Variants in MOSPD2 observed in about 807,000 individuals in gnomAD.
The protein encoded by MOSPD2 is motile sperm domain-containing protein 2.
MOSPD2 carries 5 observed loss-of-function variants against 41.7 expected under a neutral mutation model. That is an observed-to-expected ratio of 0.12 (90% CI 0.06 to 0.25). MOSPD2 has a LOEUF of 0.25. MOSPD2 is among the 10% of genes least tolerant of loss of function. The pLI is 1.00. For synonymous variants in MOSPD2, 115 were observed against 126.9 expected, an observed-to-expected ratio of 0.91 and a Z score of 0.63; for missense variants, 282 against 375.2, an observed-to-expected ratio of 0.75 and a Z score of 2.05.
At chrX:14,906,457 AC>A (rs764451276) in intron 7 of MOSPD2, among the ~76,000 whole-genome samples, 5 of 111,769 alleles carry the variant, frequency 4.5e-5, no homozygotes, top group Non-Finnish European at 9.4e-5. Context: ...TGAATCAGAA[AC>A]CTAAATGTAA....
chrX:14,920,193 G>A lies in MOSPD2; in HGVS notation c.*384G>A, dbSNP rs2092607135. 1.3e-6 allele frequency: 1 copy of A among 753,388 alleles called. No homozygotes were observed. Among genetic ancestry groups the A allele is most frequent in the Admixed American group, 8.7e-5 (1 of 11,472 alleles). The allele number at this position is 753,388 out of a possible 1,213,427, so 62.1% of individuals were successfully genotyped here. ...TTGTTGCAGCCAAAAAATGTAATCTGCTTTTTTATGACAGAATTATTATAG... is the reference window on the plus strand; with the variant it reads ...TTGTTGCAGCCAAAAAATGTAATCTACTTTTTTATGACAGAATTATTATAG... On this transcript the variant is annotated 3_prime_UTR_variant, in exon 15 of 15. Transcript: ENST00000380492.
chrX:14,914,737 A>T, intron 11 of MOSPD2, 138 bp downstream of exon 11: 6 of 412,102 alleles, frequency 1.5e-5, no homozygotes, highest in Non-Finnish European at 1.7e-5. Flanking sequence ...GGCATGTTGT[A>T]CTACCTTCTG....
chrX:14,904,902 T>C (rs1160503688), intron 7 of MOSPD2, among the ~76,000 whole-genome samples: 3 of 111,595 alleles, frequency 2.7e-5, no homozygotes, highest in Non-Finnish European at 5.6e-5. Flanking sequence ...CCCAAACGCC[T>C]ACCCTGAATC....
intron 4 of MOSPD2, 65 bp downstream of exon 4, chrX:14,895,459 G>A: frequency 1.5e-6 from 1 of 649,694 alleles, no homozygotes; most frequent in Non-Finnish European, 2.5e-6. Context: ...TATGTCAACT[G>A]AATTAAGAAT....
rs1478749690 is a variant in MOSPD2, at chrX:14,912,796, G to C, written c.992+435G>C. 6.3e-5 allele frequency among the ~76,000 whole-genome samples: 7 copies of C among 111,786 alleles called. No homozygotes were observed. The Admixed American group carries it at 6.6e-4, about 11-fold the overall frequency. ...AACTTCAGGACATCTCTATTTTTCT[G>C]CTAGGTTATTTGATTCAAAAGATTC... On this transcript the variant is annotated intron_variant, in intron 10 of 14. Coordinates refer to ENST00000380492, the MANE Select transcript of MOSPD2 (RefSeq NM_152581.4).
intron 3 of MOSPD2, chrX:14,893,090 A>G: frequency 3.3e-6 from 1 of 300,534 alleles, no homozygotes; most frequent in Non-Finnish European, 5.9e-6. Flanking sequence ...ACCAGAGAGC[A>G]GAATCACACT....
At chrX:14,914,761 C>G (rs1009898513) in intron 11 of MOSPD2, among the ~76,000 whole-genome samples, 162 bp downstream of exon 11, 1 of 111,508 alleles carries the variant, frequency 9.0e-6, no homozygotes, top group Non-Finnish European at 1.9e-5. Flanking sequence ...CTAACCAAGT[C>G]GCATAGCTTT....
At chrX:14,898,516 C>T (rs1015415863) in intron 5 of MOSPD2, among the ~76,000 whole-genome samples, 4 of 111,171 alleles carry the variant, frequency 3.6e-5, no homozygotes, top group Admixed American at 9.6e-5. Context: ...GATCCGATGC[C>T]CTGGAGTTTT....
At chrX:14,876,912 G>T (rs2092521374) in intron 2 of MOSPD2, among the ~76,000 whole-genome samples, 1 of 112,028 alleles carries the variant, frequency 8.9e-6, no homozygotes, top group Non-Finnish European at 1.9e-5. Context: ...CACAGAGTTA[G>T]AAAAAAATTC....
rs35768433 is a variant in MOSPD2, at chrX:14,910,931, T to TACACACAC, written c.703-284_703-277dup. Among the ~76,000 whole-genome samples the TACACACAC allele has an allele frequency of 3.2e-3, 326 of 100,649 alleles. 1 individual carries two copies. The highest frequency in any genetic ancestry group is 0.011 in the South Asian group (25 of 2,235). 87.4% of individuals were successfully genotyped at this position (100,649 alleles called of 115,157 possible). On this transcript the variant is annotated intron_variant, in intron 8 of 14. Transcript: ENST00000380492. Reference sequence around the variant, plus strand: ...CAGAACTTATATAGTTCTTTAAAAATACACACACACACACACACACACACA... The same window carrying TACACACAC: ...CAGAACTTATATAGTTCTTTAAAAATACACACACACACACACACACACACACACACACA...
At chrX:14,884,744 CAAA>C (rs1483744337) in intron 2 of MOSPD2, among the ~76,000 whole-genome samples, 2 of 111,240 alleles carry the variant, frequency 1.8e-5, no homozygotes, top group Non-Finnish European at 3.8e-5. Context: ...AAAAGATATA[CAAA>C]ACAAATATTA....
At position 14,888,195 on chromosome X, in the gene MOSPD2, T is replaced by TACACACAC. The variant is rs773623825; in HGVS notation, c.80-4525_80-4518dup. On this transcript the variant is annotated intron_variant, in intron 2 of 14. Coordinates refer to ENST00000380492, the MANE Select transcript of MOSPD2 (RefSeq NM_152581.4). ...TGAGGACAAGTATTGGGAGAATATA[T>TACACACAC]ACACACACACGCACACACACACACA... 2.2e-3 allele frequency among the ~76,000 whole-genome samples: 195 copies of TACACACAC among 88,772 alleles called. 5 individuals are homozygous for TACACACAC. Among genetic ancestry groups the TACACACAC allele is most frequent in the African/African-American group, 4.4e-3 (107 of 24,294 alleles). 77.1% of individuals were successfully genotyped at this position (88,772 alleles called of 115,157 possible).
At chrX:14,875,963 G>C (rs2092519474) in intron 2 of MOSPD2, among the ~76,000 whole-genome samples, 1 of 111,704 alleles carries the variant, frequency 9.0e-6, no homozygotes, top group Non-Finnish European at 1.9e-5. Flanking sequence ...TAGAGGCCTT[G>C]TGTGTCTTAC....
At chrX:14,886,673 T>C (rs1318538949) in intron 2 of MOSPD2, among the ~76,000 whole-genome samples, 1 of 111,597 alleles carries the variant, frequency 9.0e-6, no homozygotes, top group Non-Finnish European at 1.9e-5. Context: ...GCTCCTGCAG[T>C]AGAACAACAG....
At chrX:14,904,491 C>T (rs764031920) in intron 7 of MOSPD2, among the ~76,000 whole-genome samples, 1 of 111,835 alleles carries the variant, frequency 8.9e-6, no homozygotes, top group South Asian at 3.7e-4. Flanking sequence ...AGTTAGACCA[C>T]AGTAGTCCAC....
intron 2 of MOSPD2, among the ~76,000 whole-genome samples, chrX:14,885,766 TA>T (rs199744414): frequency 2.1e-4 from 22 of 106,664 alleles, no homozygotes; most frequent in Admixed American, 3.0e-4. Flanking sequence ...GTCCTTTTAT[TA>T]AAAAAAAAAC....
chrX:14,900,911 A>G (rs1437113019), intron 6 of MOSPD2, among the ~76,000 whole-genome samples: 3 of 111,958 alleles, frequency 2.7e-5, no homozygotes, highest in Non-Finnish European at 3.8e-5. Context: ...ACATAGGTAC[A>G]TAAAAGCATA....
At chrX:14,876,046 A>G (rs2092519583) in intron 2 of MOSPD2, among the ~76,000 whole-genome samples, 1 of 112,134 alleles carries the variant, frequency 8.9e-6, no homozygotes, top group South Asian at 3.6e-4. Context: ...AAATATATAC[A>G]TAAGAAGATT....
chrX:14,920,463 C>T lies in MOSPD2; in HGVS notation c.*654C>T. ...AATCTCAGGCTTTTTTATGAACACT[C>T]TCATTTCAGTAGAATTTGGAAAACT... On this transcript the variant is annotated 3_prime_UTR_variant, in exon 15 of 15. Transcript: ENST00000380492. 6 of 753,753 alleles carry T rather than the reference C, an allele frequency of 8.0e-6. No individual in the cohort carries two copies. The highest frequency in any genetic ancestry group is 9.4e-6 in the Non-Finnish European group (6 of 639,176). 62.1% of individuals were successfully genotyped at this position (753,753 alleles called of 1,213,427 possible). A position where few individuals can be genotyped will look rare whatever the true frequency, so the allele number is the denominator to read the frequency against.
Sources: gnomAD v4.1 joint callset for allele counts (sites outside exome capture counted in the v4.1 genomes callset) on GRCh38, gnomAD v4.1.1 for gene constraint, MANE v1.5 for transcripts, NCBI Gene and HGNC (gene_info 2026-07-23, HGNC 2026-07-21) for gene names.